Variants in SH3BP5L observed in about 807,000 individuals in gnomAD.
The protein encoded by SH3BP5L is SH3 domain-binding protein 5-like.
SH3BP5L carries 16 observed loss-of-function variants against 40.9 expected under a neutral mutation model. That is an observed-to-expected ratio of 0.39 (90% CI 0.27 to 0.59). The LOEUF (loss-of-function observed/expected upper bound fraction) is 0.59. SH3BP5L is among the 20% of genes least tolerant of loss of function. The pLI is 0.53. For missense variants in SH3BP5L, 471 were observed against 544.6 expected (o/e 0.86, Z 1.35); for synonymous variants, 229 against 226.7 (o/e 1.01, Z -0.09).
At position 248,814,238 on chromosome 1, in the gene SH3BP5L, C is replaced by T. The variant is rs59400714; in HGVS notation, c.537+211G>A. The T allele has an allele frequency of 1.1e-3, 663 of 603,610 alleles. 4 individuals carry two copies. Among genetic ancestry groups the T allele is most frequent in the African/African-American group, 0.011 (572 of 53,902 alleles). 37.4% of individuals were successfully genotyped at this position (603,610 alleles called of 1,614,324 possible). On this transcript the variant is annotated intron_variant, in intron 5 of 6. Transcript: ENST00000366472. ...TGGAGGCAAACGTTCAAGAAGAGCCCGGGATGACATTCTAAGTCAGAGGGA... is the reference window on the plus strand; with the variant it reads ...TGGAGGCAAACGTTCAAGAAGAGCCTGGGATGACATTCTAAGTCAGAGGGA...
intron 4 of SH3BP5L, 33 bp from the exon 5 acceptor site, chr1:248,814,643 C>T: frequency 6.2e-7 from 1 of 1,611,904 alleles, no homozygotes. Flanking sequence ...ATGGGGAACC[C>T]TGAGGGACCC....
chr1:248,819,867 T>C (rs1340444659), intron 2 of SH3BP5L, among the ~76,000 whole-genome samples: 1 of 152,140 alleles, frequency 6.6e-6, no homozygotes, highest in Non-Finnish European at 1.5e-5. Context: ...AGAGACTTAT[T>C]CAACAGAAAC....
chr1:248,823,010 T>C (rs1010037366), intron 2 of SH3BP5L, among the ~76,000 whole-genome samples: 3 of 152,214 alleles, frequency 2.0e-5, no homozygotes, highest in Non-Finnish European at 4.4e-5. Context: ...TGTGTTTAAA[T>C]AGCCACATGC....
Position 248,825,087 on chromosome 1 carries a change from A to T in SH3BP5L, c.-152T>A. On this transcript the variant is annotated 5_prime_UTR_variant, in exon 2 of 7. Coordinates refer to ENST00000366472, the MANE Select transcript of SH3BP5L (RefSeq NM_030645.3). ...AAGGTGGGCACAGGAAGAACCTCAC[A>T]CTAGGTTAGAGGTTGAGATTCAAGT... 3 of 1,420,868 alleles carry T rather than the reference A, an allele frequency of 2.1e-6. No homozygotes were observed. The highest frequency in any genetic ancestry group is 2.7e-6 in the Non-Finnish European group (3 of 1,092,458). 88.0% of individuals were successfully genotyped at this position (1,420,868 alleles called of 1,614,324 possible).
At position 248,812,121 on chromosome 1, in the gene SH3BP5L, T is replaced by G. The variant is rs1379131265; in HGVS notation, c.961A>C (p.Ser321Arg). 2 of 1,609,054 alleles carry G rather than the reference T, an allele frequency of 1.2e-6. No homozygotes were observed. Among genetic ancestry groups the G allele is most frequent in the South Asian group, 1.1e-5 (1 of 90,808 alleles). Residue 321 changes from serine to arginine, a missense_variant, in exon 7 of 7, where the codon AGC becomes CGC. By Grantham distance (110) the Ser-to-Arg change is moderately radical (BLOSUM62 -1). This residue lies in a region of SH3BP5L where 196 missense variants were observed against 174.6 expected (regional missense o/e 1.12). Transcript: ENST00000366472. This position sits in a 1 kb window ranked among gnomAD's most constrained non-coding sequence, Gnocchi z 6.1. ...TCGGGGGCGGGGCCGGGCCCCAGGC[T>G]GCTGCCCTCCTCCAGCCCCGCACCC... ...AEGAGLEEGS[S>R]LGPGPAPDTD...
At chr1:248,813,258 C>T in intron 5 of SH3BP5L, 96 bp from the exon 6 acceptor site, 3 of 1,307,068 alleles carry the variant, frequency 2.3e-6, no homozygotes, top group Non-Finnish European at 3.0e-6. Context: ...GGGGGGAACC[C>T]AAACAGGAAC....
In SH3BP5L at chr1:248,812,243, G is replaced by A; in HGVS notation, c.839C>T (p.Pro280Leu). The A allele has an allele frequency of 6.2e-7, 1 of 1,610,330 alleles. No individual in the cohort carries two copies. The highest frequency in any genetic ancestry group is 1.3e-5 in the African/African-American group (1 of 75,030). Residue 280 changes from proline (P) to leucine (L), a missense_variant, in exon 7 of 7, where the codon CCT becomes CTT. Pro to Leu is a moderately conservative substitution (Grantham distance 98). Coordinates refer to ENST00000366472, the MANE Select transcript of SH3BP5L (RefSeq NM_030645.3). The surrounding 1 kb of genome is among the most constrained non-coding windows in gnomAD (Gnocchi z 6.1). ...GCGCCGAGGGCCCAGGGGGTGGGGA[G>A]GCAGACCCCCGCGGCGCCGTGCGTG... ...QIHARRRGGL[P>L]PHPLGPRRSS... is the part of the protein sequence containing the mutation.
intron 5 of SH3BP5L, 120 bp downstream of exon 5, chr1:248,814,329 C>T: frequency 1.7e-6 from 2 of 1,178,454 alleles, no homozygotes; most frequent in East Asian, 5.1e-5. Flanking sequence ...TTGCCTGAAA[C>T]AGAATCAAAG....
rs1032301018 is a variant in SH3BP5L at position 248,812,131 on chromosome 1, C to T, written c.951G>A (p.Glu317=). 16 of 1,606,996 alleles carry T rather than the reference C, an allele frequency of 1.0e-5. No homozygotes were observed. The highest frequency in any genetic ancestry group is 6.7e-5 in the Admixed American group (4 of 59,600). Residue 317 remains glutamate (E), a synonymous_variant, in exon 7 of 7, where the codon GAG becomes GAA. Coordinates refer to ENST00000366472, the MANE Select transcript of SH3BP5L (RefSeq NM_030645.3). The surrounding 1 kb of genome is among the most constrained non-coding windows in gnomAD (Gnocchi z 6.1). ...GGCCGGGCCCCAGGCTGCTGCCCTC[C>T]TCCAGCCCCGCACCCTCGGCCCCCT... ...GIEGAEGAGL[E]EGSSLGPGPA...
In SH3BP5L at chr1:248,824,892, T is replaced by C; in HGVS notation, c.44A>G (p.Gln15Arg). ...RQVPGGRETP[Q>R]GELRPEVVED... ...TACAACTTCAGGCCGCAGCTCCCCC[T>C]GTGGGGTCTCCCGCCCTCCTGGAAC... is the stretch of plus-strand genomic sequence containing the variant. The change falls in exon 2 of 7, where the codon CAG (glutamine) becomes CGG (arginine). Residue 15 changes from glutamine (Q) to arginine (R), a missense_variant. Around this residue, in one of 2 missense-constraint regions of SH3BP5L, gnomAD observed 275 missense variants for 370.1 expected, o/e 0.74. Transcript: ENST00000366472. 3.7e-6 allele frequency: 6 copies of C among 1,614,024 alleles called. No homozygotes were observed. Among genetic ancestry groups the C allele is most frequent in the East Asian group, 2.2e-5 (1 of 44,884 alleles).
In SH3BP5L at chr1:248,811,775, C is replaced by CAT; in HGVS notation, c.*124_*125insAT. 1 of 733,212 alleles carries CAT rather than the reference C, an allele frequency of 1.4e-6. No individual in the cohort carries two copies. The highest frequency in any genetic ancestry group is 2.2e-6 in the Non-Finnish European group (1 of 460,282). The allele number at this position is 733,212 out of a possible 1,614,324, so 45.4% of individuals were successfully genotyped here. ...GAGGACTCGAACACAGCTGGCCTCT[C>CAT]CCAGGGAAGCACTGGAGAAGGGGAC... On this transcript the variant is annotated 3_prime_UTR_variant, in exon 7 of 7. Transcript: ENST00000366472.
In SH3BP5L at chr1:248,811,883, G is replaced by A; in HGVS notation, c.*17C>T. On this transcript the variant is annotated 3_prime_UTR_variant, in exon 7 of 7. Transcript: ENST00000366472. Reference sequence around the variant, plus strand: ...GCCCGTGGTGGCAGATTCAAGCCAGGAACCCTGGCCCCTCGGCTACAGGCT... The same window carrying A: ...GCCCGTGGTGGCAGATTCAAGCCAGAAACCCTGGCCCCTCGGCTACAGGCT... 1 of 1,488,948 alleles carries A rather than the reference G, an allele frequency of 6.7e-7. No individual in the cohort carries two copies. Among genetic ancestry groups the A allele is most frequent in the Non-Finnish European group, 9.0e-7 (1 of 1,113,392 alleles). 92.2% of individuals were successfully genotyped at this position (1,488,948 alleles called of 1,614,324 possible). A position where few individuals can be genotyped will look rare whatever the true frequency, so the allele number is the denominator to read the frequency against.
At chr1:248,815,082 AT>A (rs1341163614) in intron 4 of SH3BP5L, among the ~76,000 whole-genome samples, 1 of 152,212 alleles carries the variant, frequency 6.6e-6, no homozygotes, top group Non-Finnish European at 1.5e-5. Context: ...CTTTTCAGTT[AT>A]AGGACATCGG....
chr1:248,824,863 C>A lies in SH3BP5L; in HGVS notation c.73G>T (p.Asp25Tyr). 6.2e-7 allele frequency: 1 copy of A among 1,614,182 alleles called. No individual in the cohort carries two copies. The highest frequency in any genetic ancestry group is 8.5e-7 in the Non-Finnish European group (1 of 1,180,012). The change falls in exon 2 of 7, where the codon GAT (aspartate) becomes TAT (tyrosine). Residue 25 changes from aspartate (D) to tyrosine (Y), a missense_variant. Coordinates refer to ENST00000366472, the MANE Select transcript of SH3BP5L (RefSeq NM_030645.3). Reference sequence around the variant, plus strand: ...GCGACTGGGCTCCTAGGGACTTCATCCTCTACAACTTCAGGCCGCAGCTCC... The same window carrying A: ...GCGACTGGGCTCCTAGGGACTTCATACTCTACAACTTCAGGCCGCAGCTCC... ...QGELRPEVVE[D>Y]EVPRSPVAEE...
In SH3BP5L at chr1:248,825,346, A is replaced by G. The variant is rs544326164; in HGVS notation, c.-411T>C. 2 of 1,003,378 alleles carry G rather than the reference A, an allele frequency of 2.0e-6. No homozygotes were observed. Among genetic ancestry groups the G allele is most frequent in the Middle Eastern group, 5.0e-4 (1 of 1,982 alleles). The allele number at this position is 1,003,378 out of a possible 1,614,324, so 62.2% of individuals were successfully genotyped here. On this transcript the variant is annotated 5_prime_UTR_variant, in exon 2 of 7. Coordinates refer to ENST00000366472, the MANE Select transcript of SH3BP5L (RefSeq NM_030645.3). Reference sequence around the variant, plus strand: ...AAGGCTGGGCCCGAGCTGAGGCTGTAGGATGAGCGTCTCTGGGGAGCTGCA... The same window carrying G: ...AAGGCTGGGCCCGAGCTGAGGCTGTGGGATGAGCGTCTCTGGGGAGCTGCA...
In SH3BP5L at chr1:248,825,096, G is replaced by C; in HGVS notation, c.-161C>G. The C allele has an allele frequency of 2.8e-6, 4 of 1,407,340 alleles. No homozygotes were observed. In the South Asian group the frequency reaches 6.4e-5, roughly 23 times the overall value. The allele number at this position is 1,407,340 out of a possible 1,614,324, so 87.2% of individuals were successfully genotyped here. A position where few individuals can be genotyped will look rare whatever the true frequency, so the allele number is the denominator to read the frequency against. On this transcript the variant is annotated 5_prime_UTR_variant, in exon 2 of 7. Coordinates refer to ENST00000366472, the MANE Select transcript of SH3BP5L (RefSeq NM_030645.3). ...ACAGGAAGAACCTCACACTAGGTTA[G>C]AGGTTGAGATTCAAGTTGTCAGTGG...
chr1:248,816,467 A>G (rs1664107647), intron 4 of SH3BP5L, 67 bp downstream of exon 4: 2 of 1,603,296 alleles, frequency 1.2e-6, no homozygotes, highest in Non-Finnish European at 8.5e-7. Flanking sequence ...CACTCCATAT[A>G]GAGACAGAAG....
chr1:248,815,275 T>C (rs1332539584), intron 4 of SH3BP5L, among the ~76,000 whole-genome samples: 2 of 152,082 alleles, frequency 1.3e-5, no homozygotes, highest in South Asian at 4.2e-4. Context: ...AGACCCCATT[T>C]CTTAAAAAAA....
rs993901501 is a variant in SH3BP5L at position 248,816,435 on chromosome 1, C to A, written c.375+99G>T. 6 of 1,514,366 alleles carry A rather than the reference C, an allele frequency of 4.0e-6. No individual in the cohort carries two copies. In the African/African-American group the frequency reaches 8.2e-5, roughly 21 times the overall value. The allele number at this position is 1,514,366 out of a possible 1,614,324, so 93.8% of individuals were successfully genotyped here. A position where few individuals can be genotyped will look rare whatever the true frequency, so the allele number is the denominator to read the frequency against. On this transcript the variant is annotated intron_variant, in intron 4 of 6. Coordinates refer to ENST00000366472, the MANE Select transcript of SH3BP5L (RefSeq NM_030645.3). Reference sequence around the variant, plus strand: ...CAGGTCTAGCCCAGGGCTCTGCCCTCAGGGTCTGGTGTTTTGTCTCTCACT... The same window carrying A: ...CAGGTCTAGCCCAGGGCTCTGCCCTAAGGGTCTGGTGTTTTGTCTCTCACT...
Sources: allele counts gnomAD v4.1 joint callset (sites outside exome capture counted in the v4.1 genomes callset), GRCh38; gene constraint gnomAD v4.1.1; regional missense constraint gnomAD v4.1.1; non-coding constraint Gnocchi (gnomAD v3.1); transcripts MANE v1.5; gene names NCBI Gene and HGNC (gene_info 2026-07-23, HGNC 2026-07-21).